Variants in ROBO2 observed in about 807,000 individuals in gnomAD.
ROBO2 encodes roundabout homolog 2.
A neutral mutation model predicts 160.8 loss-of-function variants in ROBO2; 53 were observed. The observed-to-expected ratio is 0.33, with a 90% CI of 0.26 to 0.41. The LOEUF (loss-of-function observed/expected upper bound fraction) is 0.41, where lower values mean the gene tolerates loss of function less well. ROBO2 is among the 10% of genes least tolerant of loss of function. The pLI is 1.00. For missense variants in ROBO2, 1,577 were observed against 1,722.4 expected, an observed-to-expected ratio of 0.92 and a Z score of 1.49; for synonymous variants, 664 against 611.7, an observed-to-expected ratio of 1.09 and a Z score of -1.26.
At chr3:76,912,603 A>G (rs1424712282) in intron 2 of ROBO2, among the ~76,000 whole-genome samples, 1 of 152,178 alleles carries the variant, frequency 6.6e-6, no homozygotes, top group East Asian at 1.9e-4. Flanking sequence ...CAATTGCTCC[A>G]TTTTCCAATT....
chr3:77,459,587 G>A (rs2082025433), intron 2 of ROBO2, among the ~76,000 whole-genome samples: 1 of 152,178 alleles, frequency 6.6e-6, no homozygotes, highest in Non-Finnish European at 1.5e-5. Context: ...ACAGTAATAT[G>A]TGATATTCAG....
intron 2 of ROBO2, among the ~76,000 whole-genome samples, chr3:77,027,536 A>G (rs1309457706): frequency 6.6e-6 from 1 of 152,254 alleles, no homozygotes; most frequent in Non-Finnish European, 1.5e-5. Context: ...GTAAATTACT[A>G]CATGGCAATT....
intron 2 of ROBO2, among the ~76,000 whole-genome samples, chr3:76,297,842 C>A (rs772998569): frequency 6.6e-6 from 1 of 151,892 alleles, no homozygotes; most frequent in Non-Finnish European, 1.5e-5. Flanking sequence ...CAATCTAGTG[C>A]TCTAGTTTCT....
At chr3:77,100,679 A>G (rs2071790537) in intron 2 of ROBO2, among the ~76,000 whole-genome samples, 1 of 152,164 alleles carries the variant, frequency 6.6e-6, no homozygotes, top group South Asian at 2.1e-4. Flanking sequence ...ACACATTCCA[A>G]TGTATTCTCA....
At chr3:77,152,602 G>T (rs1217615871) in intron 2 of ROBO2, among the ~76,000 whole-genome samples, 1 of 152,160 alleles carries the variant, frequency 6.6e-6, no homozygotes, top group African/African-American at 2.4e-5. Flanking sequence ...CAAATCTCAG[G>T]CCTTATGCCA....
intron 2 of ROBO2, among the ~76,000 whole-genome samples, chr3:76,826,827 G>A (rs2066631020): frequency 6.6e-6 from 1 of 152,110 alleles, no homozygotes; most frequent in Non-Finnish European, 1.5e-5. Flanking sequence ...TTTTTAGCTT[G>A]TCAAAGTGTT....
chr3:76,031,397 ATG>A (rs1295239239), intron 2 of ROBO2, among the ~76,000 whole-genome samples: 1 of 152,142 alleles, frequency 6.6e-6, no homozygotes, highest in African/African-American at 2.4e-5. Context: ...TTCCAACACT[ATG>A]TTGAATAGGA....
intron 2 of ROBO2, among the ~76,000 whole-genome samples, chr3:77,326,893 A>C (rs1433030323): frequency 6.6e-6 from 1 of 152,178 alleles, no homozygotes; most frequent in Non-Finnish European, 1.5e-5. Flanking sequence ...GTTCTATTTG[A>C]ATTCCTCTTA....
chr3:77,442,616 C>A (rs993134866), intron 2 of ROBO2, among the ~76,000 whole-genome samples: 1 of 152,088 alleles, frequency 6.6e-6, no homozygotes, highest in Non-Finnish European at 1.5e-5. Context: ...GGTGCTGTGA[C>A]GTGTTGTATC....
intron 2 of ROBO2, among the ~76,000 whole-genome samples, chr3:76,382,292 T>C (rs942478074): frequency 6.6e-6 from 1 of 152,060 alleles, no homozygotes; most frequent in African/African-American, 2.4e-5. Flanking sequence ...GCATTTTTAT[T>C]GGTTAAAGCT....
intron 2 of ROBO2, among the ~76,000 whole-genome samples, chr3:76,620,731 T>A (rs533639350): frequency 5.4e-4 from 82 of 152,280 alleles, no homozygotes; most frequent in Non-Finnish European, 1.0e-3. Flanking sequence ...ATTTATGGGT[T>A]CTTAACTAGC....
chr3:76,930,285 G>C (rs975009377), intron 2 of ROBO2, among the ~76,000 whole-genome samples: 6 of 152,074 alleles, frequency 3.9e-5, no homozygotes, highest in Non-Finnish European at 5.9e-5. Flanking sequence ...GGGATTACAG[G>C]TGTGAGTCAC....
chr3:76,275,048 C>A (rs1707838906), intron 2 of ROBO2, among the ~76,000 whole-genome samples: 1 of 152,202 alleles, frequency 6.6e-6, no homozygotes, highest in East Asian at 1.9e-4. Flanking sequence ...TAATAAATAA[C>A]TGCCCCAACT....
chr3:77,640,253 A>G (rs2095330610), intron 24 of ROBO2, among the ~76,000 whole-genome samples: 1 of 151,918 alleles, frequency 6.6e-6, no homozygotes, highest in Admixed American at 6.6e-5. Context: ...CTGGGACTAA[A>G]GGCGCCCGCC....
chr3:77,199,245 C>A (rs2150999589), intron 2 of ROBO2, among the ~76,000 whole-genome samples: 1 of 152,158 alleles, frequency 6.6e-6, no homozygotes, highest in East Asian at 1.9e-4. Flanking sequence ...ATTGTTTTCC[C>A]TCTTATTTTG....
At position 76,185,936 on chromosome 3, in the gene ROBO2, A is replaced by ATTT. The variant is rs11369944; in HGVS notation, c.109+248347_109+248349dup. ...TCATTTCTCATTAAAGGAAACACAG[A>ATTT]TTTTTTTTTTTTTTTGAGACAGGGT... On this transcript the variant is annotated intron_variant, in intron 2 of 26. Coordinates refer to the ROBO2 transcript ENST00000487694. 5.0e-3 allele frequency among the ~76,000 whole-genome samples: 724 copies of ATTT among 143,722 alleles called. 16 individuals are homozygous for ATTT. Among genetic ancestry groups the ATTT allele is most frequent in the Middle Eastern group, 0.014 (4 of 278 alleles). 94.3% of individuals were successfully genotyped at this position (143,722 alleles called of 152,430 possible).
chr3:76,983,755 G>A (rs758264993), intron 2 of ROBO2, among the ~76,000 whole-genome samples: 7 of 152,076 alleles, frequency 4.6e-5, no homozygotes, highest in Non-Finnish European at 1.0e-4. Flanking sequence ...GATAAGGTAC[G>A]TCCTCCCACT....
At chr3:76,207,919 G>A (rs62267397) in intron 2 of ROBO2, among the ~76,000 whole-genome samples, 49,255 of 152,014 alleles carry the variant, frequency 0.32, 8,839 homozygotes, top group Non-Finnish European at 0.4. Context: ...TCATGGCAGT[G>A]TTTTCTCATA....
chr3:76,746,054 A>C lies in ROBO2; in HGVS notation c.110-351960A>C, dbSNP rs1466559431. Among the ~76,000 whole-genome samples, 3 of 144,854 alleles carry C rather than the reference A, an allele frequency of 2.1e-5. No homozygotes were observed. In the Admixed American group the frequency reaches 2.2e-4, roughly 10 times the overall value. On this transcript the variant is annotated intron_variant, in intron 2 of 26. Transcript: ENST00000487694. ...TGTGTCCATGTGTTCTCATTGTTCA[A>C]ATCCCACCTATGAGTGAGAATATAC...
Sources: gnomAD v4.1 joint callset for allele counts (sites outside exome capture counted in the v4.1 genomes callset) on GRCh38, gnomAD v4.1.1 for gene constraint, MANE v1.5 for transcripts, NCBI Gene and HGNC (gene_info 2026-07-23, HGNC 2026-07-21) for gene names.